FBLN1: variants seen among roughly 807,000 people sequenced by gnomAD.
FBLN1 encodes fibulin 1.
Under a neutral mutation model 89.7 loss-of-function variants are expected in FBLN1, and 34 were observed. That is an observed-to-expected ratio of 0.38 (90% CI 0.29 to 0.50). The LOEUF (loss-of-function observed/expected upper bound fraction) is 0.50. FBLN1 is among the 20% of genes least tolerant of loss of function. The pLI is 0.92. For missense variants in FBLN1, 777 were observed against 988.1 expected (o/e 0.79, Z 2.86); for synonymous variants, 393 against 391.3 (o/e 1.00, Z -0.05).
At chr22:45,568,140 G>T (rs193234935) in intron 14 of FBLN1, among the ~76,000 whole-genome samples, 1 of 152,330 alleles carries the variant, frequency 6.6e-6, no homozygotes, top group East Asian at 1.9e-4. Flanking sequence ...ATGTCAGGAG[G>T]TGAGCTCTGC....
chr22:45,552,688 T>TTC (rs1218149473), intron 14 of FBLN1, among the ~76,000 whole-genome samples: 1 of 152,004 alleles, frequency 6.6e-6, no homozygotes, highest in East Asian at 1.9e-4. Flanking sequence ...TGCTGTGCCT[T>TTC]TCTCTCTCTC....
chr22:45,559,047 C>G (rs1569256203), intron 14 of FBLN1, among the ~76,000 whole-genome samples: 1 of 152,194 alleles, frequency 6.6e-6, no homozygotes, highest in Non-Finnish European at 1.5e-5. Flanking sequence ...TGACACAAAG[C>G]CGGAGAGTTG....
intron 16 of FBLN1, among the ~76,000 whole-genome samples, chr22:45,582,244 C>A (rs2089048553): frequency 6.6e-6 from 1 of 152,216 alleles, no homozygotes; most frequent in South Asian, 2.1e-4. Flanking sequence ...TCTACACTGG[C>A]TGGCATCTGT....
chr22:45,594,196 T>A lies in FBLN1; in HGVS notation c.1973-6111T>A, dbSNP rs541003292. ...TGGGCAGCGAGTGTTCCTTGCTACT[T>A]CTTCCTCCTTCCCTTGCCTCCCTGT... On this transcript the variant is annotated intron_variant, in intron 16 of 16. Transcript: ENST00000327858. Among the ~76,000 whole-genome samples the A allele has an allele frequency of 1.3e-3, 198 of 152,306 alleles. 1 individual carries two copies. The highest frequency in any genetic ancestry group is 4.6e-3 in the African/African-American group (192 of 41,568).
intron 3 of FBLN1, among the ~76,000 whole-genome samples, chr22:45,527,434 C>T (rs908427067): frequency 2.6e-5 from 4 of 152,142 alleles, no homozygotes; most frequent in Admixed American, 6.5e-5. Context: ...GTCATTTTTC[C>T]GGGCATGGTA....
rs1019635891 is a variant in FBLN1 at position 45,590,233 on chromosome 22, C to A, written c.1973-10074C>A. On this transcript the variant is annotated intron_variant, in intron 16 of 16. Coordinates refer to ENST00000327858, the MANE Select transcript of FBLN1 (RefSeq NM_006486.3). This position sits in a 1 kb window ranked among gnomAD's most constrained non-coding sequence, Gnocchi z 4.1. ...CGCCAGGCCAGCCTCTCTTCCCCCCCATCCCTCCAGACCTTCATTGCATCT... is the reference window on the plus strand; with the variant it reads ...CGCCAGGCCAGCCTCTCTTCCCCCCAATCCCTCCAGACCTTCATTGCATCT... Among the ~76,000 whole-genome samples, 1 of 152,246 alleles carries A rather than the reference C, an allele frequency of 6.6e-6. No homozygotes were observed. Among genetic ancestry groups the A allele is most frequent in the Admixed American group, 6.5e-5 (1 of 15,286 alleles).
At chr22:45,526,360 A>G (rs894255138) in intron 3 of FBLN1, among the ~76,000 whole-genome samples, 11 of 152,178 alleles carry the variant, frequency 7.2e-5, no homozygotes, top group African/African-American at 2.2e-4. Flanking sequence ...AGAGGTGGAA[A>G]GGTGCCTGAC....
chr22:45,536,060 A>G lies in FBLN1; in HGVS notation c.922+723A>G, dbSNP rs1055056940. Among the ~76,000 whole-genome samples the G allele has an allele frequency of 6.6e-6, 1 of 152,206 alleles. No individual in the cohort carries two copies. The highest frequency in any genetic ancestry group is 1.5e-5 in the Non-Finnish European group (1 of 68,042). ...TGTAGTGGCGCATGCCTACAGTCCC[A>G]GCTACTTGGGAGGCTGAGGTGGGAG... is the stretch of plus-strand genomic sequence containing the variant. On this transcript the variant is annotated intron_variant, in intron 8 of 16. Transcript: ENST00000327858. This position sits in a 1 kb window ranked among gnomAD's most constrained non-coding sequence, Gnocchi z 5.1.
At chr22:45,520,670 G>A (rs532861945) in intron 2 of FBLN1, among the ~76,000 whole-genome samples, 7 of 152,276 alleles carry the variant, frequency 4.6e-5, no homozygotes, top group South Asian at 2.1e-4. Flanking sequence ...GCATCAGCCC[G>A]TGTAACCCCT....
At chr22:45,525,419 C>T in intron 2 of FBLN1, 124 bp from the exon 3 acceptor site, 1 of 867,106 alleles carries the variant, frequency 1.2e-6, no homozygotes, top group South Asian at 1.6e-5. Flanking sequence ...GTGTATTTCT[C>T]TCTCTGTGTC....
chr22:45,539,075 C>A (rs1229486483), intron 8 of FBLN1, among the ~76,000 whole-genome samples: 9 of 147,102 alleles, frequency 6.1e-5, no homozygotes, highest in Admixed American at 2.7e-4. Flanking sequence ...TTCTCCTCCT[C>A]CTCTTCCCCC....
rs1482531270 is a variant in FBLN1, at chr22:45,563,223, C to A, written c.1698-11288C>A. On this transcript the variant is annotated intron_variant, in intron 14 of 16. Coordinates refer to ENST00000327858, the MANE Select transcript of FBLN1 (RefSeq NM_006486.3). The surrounding 1 kb of genome is among the most constrained non-coding windows in gnomAD (Gnocchi z 5.7). ...CTCTCTCGCCACGGCACCGTCAGCT[C>A]CTTTGTGGCCAAGCTTTTCATCTTT... 28 of 1,613,662 alleles carry A rather than the reference C, an allele frequency of 1.7e-5. No individual in the cohort carries two copies. Among genetic ancestry groups the A allele is most frequent in the Non-Finnish European group, 2.3e-5 (27 of 1,180,046 alleles).
chr22:45,527,107 T>C (rs1420437760), intron 3 of FBLN1, among the ~76,000 whole-genome samples: 1 of 152,192 alleles, frequency 6.6e-6, no homozygotes, highest in Admixed American at 6.5e-5. Flanking sequence ...GCCACATAAC[T>C]GAGGCAAAGC....
At chr22:45,582,584 G>A (rs1212170040) in intron 16 of FBLN1, among the ~76,000 whole-genome samples, 3 of 152,218 alleles carry the variant, frequency 2.0e-5, no homozygotes, top group African/African-American at 7.2e-5. Flanking sequence ...TGATTCCCCA[G>A]TGACAGCCAC....
intron 8 of FBLN1, among the ~76,000 whole-genome samples, chr22:45,538,663 A>G (rs938451566): frequency 2.0e-5 from 3 of 152,142 alleles, no homozygotes; most frequent in East Asian, 3.9e-4. Context: ...AAAAGGTTCT[A>G]TGTCAGGTCC....
intron 12 of FBLN1, among the ~76,000 whole-genome samples, chr22:45,547,921 CATCT>C (rs901364287): frequency 7.2e-5 from 11 of 152,232 alleles, no homozygotes; most frequent in African/African-American, 2.6e-4. Context: ...TCTAACTCTT[CATCT>C]GTAACATGAT....
At chr22:45,525,772 C>T (rs1386616969) in intron 3 of FBLN1, 94 bp downstream of exon 3, 3 of 1,494,150 alleles carry the variant, frequency 2.0e-6, no homozygotes, top group Non-Finnish European at 2.7e-6. Context: ...GTCAGCGCTC[C>T]CTGCCTCAGG....
intron 1 of FBLN1, among the ~76,000 whole-genome samples, chr22:45,513,307 CTTTT>C (rs34166807): frequency 7.1e-6 from 1 of 141,096 alleles, no homozygotes; most frequent in Non-Finnish European, 1.5e-5. Flanking sequence ...TAACCATTTC[CTTTT>C]TTTTTTTTTT....
intron 16 of FBLN1, among the ~76,000 whole-genome samples, chr22:45,592,075 C>T (rs909206859): frequency 6.6e-6 from 1 of 152,148 alleles, no homozygotes; most frequent in Non-Finnish European, 1.5e-5. Context: ...TGAGGTCAGT[C>T]CCCGCTGGAC....
Sources: gnomAD v4.1 joint callset for allele counts (sites outside exome capture counted in the v4.1 genomes callset) on GRCh38, gnomAD v4.1.1 for gene constraint, Gnocchi (gnomAD v3.1) non-coding constraint, MANE v1.5 for transcripts, NCBI Gene and HGNC (gene_info 2026-07-23, HGNC 2026-07-21) for gene names.